Variants in NHSL2 observed in about 807,000 individuals in gnomAD.
The protein encoded by NHSL2 is NHS like 2.
NHSL2 carries 27 observed loss-of-function variants against 53.4 expected under a neutral mutation model. The observed-to-expected ratio is 0.51, with a 90% CI of 0.37 to 0.70. The LOEUF is 0.70. NHSL2 is among the 30% of genes least tolerant of loss of function. The probability of loss-of-function intolerance (pLI) is 0.00; values close to 1 mark genes in which losing one functional copy is unlikely to be tolerated. For synonymous variants in NHSL2, 408 were observed against 404.1 expected (o/e 1.01, Z -0.12); for missense variants, 892 against 980.1 (o/e 0.91, Z 1.20).
chrX:71,922,449 G>A (rs1489218507), intron 1 of NHSL2, among the ~76,000 whole-genome samples: 1 of 112,100 alleles, frequency 8.9e-6, no homozygotes, highest in Admixed American at 9.4e-5. Flanking sequence ...GAGGGGAGAT[G>A]CTAAAGGTAA....
At position 72,140,209 on chromosome X, in the gene NHSL2, G is replaced by A; in HGVS notation, c.2661G>A (p.Lys887=). ...VARRPPSLVH[K]PPSVPEEYAL... is the part of the protein sequence containing the mutation. ...GGAGGCCTCCAAGCTTGGTCCACAA[G>A]CCACCATCTGTTCCTGAGGAGTATG... The change falls in exon 6 of 8, where the codon AAG becomes AAA. Residue 887 remains lysine, a synonymous_variant. Transcript: ENST00000633930. 8.3e-7 allele frequency: 1 copy of A among 1,210,361 alleles called. No homozygotes were observed. Among genetic ancestry groups the A allele is most frequent in the Non-Finnish European group, 1.1e-6 (1 of 894,894 alleles).
intron 1 of NHSL2, among the ~76,000 whole-genome samples, chrX:72,081,266 T>C (rs2041789510): frequency 8.9e-6 from 1 of 112,267 alleles, no homozygotes; most frequent in African/African-American, 3.2e-5. Flanking sequence ...GTAGATGCGG[T>C]CTGCGTGGGG....
intron 1 of NHSL2, among the ~76,000 whole-genome samples, chrX:71,925,875 C>T (rs973911078): frequency 2.7e-5 from 3 of 111,413 alleles, no homozygotes; most frequent in Non-Finnish European, 5.6e-5. Context: ...TCCATGTTCT[C>T]CATCACAATC....
chrX:71,966,294 C>G (rs1318424172), intron 1 of NHSL2, among the ~76,000 whole-genome samples: 1 of 111,574 alleles, frequency 9.0e-6, no homozygotes, highest in African/African-American at 3.3e-5. Flanking sequence ...ATCTATTTAC[C>G]TTTTATTTCT....
intron 1 of NHSL2, among the ~76,000 whole-genome samples, chrX:71,928,398 C>CA (rs1457670446): frequency 3.6e-5 from 4 of 111,945 alleles, no homozygotes; most frequent in African/African-American, 1.3e-4. Flanking sequence ...GTAGGGACAG[C>CA]AGACATATGC....
At chrX:72,045,431 G>T (rs1393408258) in intron 1 of NHSL2, among the ~76,000 whole-genome samples, 2 of 110,377 alleles carry the variant, frequency 1.8e-5, no homozygotes, top group Non-Finnish European at 3.8e-5. Flanking sequence ...GACCAAGGAT[G>T]TTGGCCCGAC....
chrX:72,139,670 C>T lies in NHSL2; in HGVS notation c.2122C>T (p.Leu708=). 8.3e-7 allele frequency: 1 copy of T among 1,211,275 alleles called. No homozygotes were observed. The highest frequency in any genetic ancestry group is 1.1e-6 in the Non-Finnish European group (1 of 895,155). The stretch of plus-strand genomic sequence containing the variant: ...ATCATCCCCGGGAAGGCCCCCTGGA[C>T]TGATGTCACCCTCCAGTGGCTACTC... ...EISSPGRPPG[L]MSPSSGYSSQ... is the part of the protein sequence containing the mutation. The change falls in exon 6 of 8, where the codon CTG becomes TTG. Residue 708 remains leucine, a synonymous_variant. Transcript: ENST00000633930.
intron 1 of NHSL2, among the ~76,000 whole-genome samples, chrX:71,985,516 A>G (rs1235587437): frequency 8.9e-6 from 1 of 112,674 alleles, no homozygotes; most frequent in Non-Finnish European, 1.9e-5. Flanking sequence ...AGTTAAGAAC[A>G]CTCACAACTA....
chrX:72,130,906 G>A (rs940588012), intron 1 of NHSL2: 1 of 1,210,141 alleles, frequency 8.3e-7, no homozygotes, highest in Non-Finnish European at 1.1e-6. Flanking sequence ...GGCATGCAAG[G>A]GGCTTCCTTC....
intron 1 of NHSL2, among the ~76,000 whole-genome samples, chrX:72,124,072 C>T (rs888286623): frequency 9.0e-6 from 1 of 111,666 alleles, no homozygotes; most frequent in Non-Finnish European, 1.9e-5. Context: ...AAGTGGCCTG[C>T]CGAGCTTTCC....
chrX:72,052,435 G>A (rs2042346121), intron 1 of NHSL2, among the ~76,000 whole-genome samples: 1 of 112,689 alleles, frequency 8.9e-6, no homozygotes, highest in Middle Eastern at 4.6e-3. Context: ...ATAAGTCACA[G>A]AGGTGCCAAG....
chrX:72,095,083 C>T (rs1407783165), intron 1 of NHSL2, among the ~76,000 whole-genome samples: 1 of 111,840 alleles, frequency 8.9e-6, no homozygotes, highest in Non-Finnish European at 1.9e-5. Context: ...AGTGCTTGGC[C>T]CCTGTTGCCA....
At chrX:71,925,538 T>G (rs1012599591) in intron 1 of NHSL2, among the ~76,000 whole-genome samples, 1 of 110,779 alleles carries the variant, frequency 9.0e-6, no homozygotes, top group African/African-American at 3.3e-5. Context: ...TTTTTGCACT[T>G]CTATTTGGCC....
At chrX:72,121,457 G>A (rs1340865659) in intron 1 of NHSL2, among the ~76,000 whole-genome samples, 1 of 112,020 alleles carries the variant, frequency 8.9e-6, no homozygotes, top group Non-Finnish European at 1.9e-5. Flanking sequence ...TCCATGGTAA[G>A]GAAATGGCAA....
At chrX:72,127,351 A>G (rs2042236596) in intron 1 of NHSL2, 1 of 96,387 alleles carries the variant, frequency 1.0e-5, no homozygotes, top group African/African-American at 4.0e-5. Context: ...TGGCTGTTAC[A>G]TCACAACAAA....
intron 1 of NHSL2, among the ~76,000 whole-genome samples, chrX:72,005,654 G>A: frequency 9.0e-6 from 1 of 111,641 alleles, no homozygotes. Context: ...TGAATGTGTT[G>A]AGTCCTCTGA....
chrX:72,081,714 C>A (rs1192758024), intron 1 of NHSL2, among the ~76,000 whole-genome samples: 4 of 112,674 alleles, frequency 3.6e-5, no homozygotes, highest in Non-Finnish European at 7.5e-5. Context: ...GGATTTATTT[C>A]TCTTCTCTAT....
At chrX:72,084,330 C>T (rs1351310793) in intron 1 of NHSL2, among the ~76,000 whole-genome samples, 2 of 112,418 alleles carry the variant, frequency 1.8e-5, no homozygotes, top group Non-Finnish European at 3.8e-5. Flanking sequence ...CCTGCACAGG[C>T]CACAAACCCA....
intron 1 of NHSL2, among the ~76,000 whole-genome samples, chrX:71,988,642 T>C (rs1004279343): frequency 2.7e-5 from 3 of 111,083 alleles, no homozygotes; most frequent in Non-Finnish European, 5.7e-5. Context: ...GCACCCCACT[T>C]ACCCAAAGTC....
Sources: gnomAD v4.1 joint callset for allele counts (sites outside exome capture counted in the v4.1 genomes callset) on GRCh38, gnomAD v4.1.1 for gene constraint, MANE v1.5 for transcripts, NCBI Gene and HGNC (gene_info 2026-07-23, HGNC 2026-07-21) for gene names.